Variants in AR observed in about 807,000 individuals in gnomAD.
AR encodes the protein androgen receptor, also known as dihydrotestosterone receptor.
Under a neutral mutation model 53.9 loss-of-function variants are expected in AR, and 8 were observed. That is an observed-to-expected ratio of 0.15 (90% CI 0.09 to 0.27). The LOEUF (loss-of-function observed/expected upper bound fraction) is 0.27. AR is among the 10% of genes least tolerant of loss of function. The probability of loss-of-function intolerance (pLI) is 1.00; values close to 1 mark genes in which losing one functional copy is unlikely to be tolerated. For synonymous variants in AR, 359 were observed against 316.4 expected (o/e 1.13, Z -1.43); for missense variants, 639 against 742.5 (o/e 0.86, Z 1.62).
intron 4 of AR, among the ~76,000 whole-genome samples, chrX:67,716,724 C>T (rs1399476531): frequency 8.9e-6 from 1 of 111,823 alleles, no homozygotes; most frequent in African/African-American, 3.3e-5. Context: ...CAAGACATCT[C>T]TCCATACCCT....
intron 1 of AR, among the ~76,000 whole-genome samples, chrX:67,608,130 G>A (rs1179355333): frequency 8.9e-6 from 1 of 112,080 alleles, no homozygotes; most frequent in South Asian, 3.7e-4. Flanking sequence ...ATAACACTTT[G>A]TAGTCAATGG....
chrX:67,630,424 G>A (rs1169725172), intron 1 of AR, among the ~76,000 whole-genome samples: 3 of 110,836 alleles, frequency 2.7e-5, no homozygotes, highest in Non-Finnish European at 3.8e-5. Context: ...ATCTTTGTTG[G>A]TTTAAAGTCT....
intron 1 of AR, among the ~76,000 whole-genome samples, chrX:67,575,540 TAGA>T (rs1427636344): frequency 1.8e-5 from 2 of 111,717 alleles, no homozygotes; most frequent in Non-Finnish European, 3.8e-5. Flanking sequence ...TGCTTTTGTT[TAGA>T]AGAAGAAATG....
chrX:67,727,224 C>G lies in AR; in HGVS notation c.*3383C>G. 1 of 168,457 alleles carries G rather than the reference C, an allele frequency of 5.9e-6. No homozygotes were observed. The highest frequency in any genetic ancestry group is 1.1e-5 in the Non-Finnish European group (1 of 87,100). The allele number at this position is 168,457 out of a possible 1,213,427, so 13.9% of individuals were successfully genotyped here. ...GAAAGTTTATTATTTTTTTAACTCC[C>G]TTACTCTGAGAAAGGGATATTTTGA... On this transcript the variant is annotated 3_prime_UTR_variant, in exon 8 of 8. Transcript: ENST00000374690.
At position 67,545,709 on chromosome X, in the gene AR, C is replaced by T. The variant is rs1455444688; in HGVS notation, c.563C>T (p.Ala188Val). 8.3e-7 allele frequency: 1 copy of T among 1,209,983 alleles called. No homozygotes were observed. The highest frequency in any genetic ancestry group is 3.0e-5 in the East Asian group (1 of 33,754). Residue 188 changes from alanine to valine, a missense_variant, in exon 1 of 8, where the codon GCC becomes GTC. Physicochemically the swap from Ala to Val is moderately conservative, Grantham distance 64. This residue lies in a region of AR where 423 missense variants were observed against 377.0 expected (regional missense o/e 1.12). Transcript: ENST00000374690. ...SADLKDILSE[A>V]STMQLLQQQQ... ...GACCTTAAAGACATCCTGAGCGAGG[C>T]CAGCACCATGCAACTCCTTCAGCAA...
intron 1 of AR, among the ~76,000 whole-genome samples, chrX:67,551,359 G>A (rs12848810): frequency 9.0e-6 from 1 of 111,434 alleles, no homozygotes; most frequent in African/African-American, 3.3e-5. Flanking sequence ...AGATATTAAA[G>A]AAATTATTCT....
At chrX:67,672,689 CA>C (rs2075873207) in intron 2 of AR, among the ~76,000 whole-genome samples, 1 of 110,998 alleles carries the variant, frequency 9.0e-6, no homozygotes, top group South Asian at 3.8e-4. Flanking sequence ...TTTCTATTTA[CA>C]TCTTATTGTA....
intron 2 of AR, among the ~76,000 whole-genome samples, chrX:67,677,212 C>T (rs1026846467): frequency 1.8e-5 from 2 of 111,548 alleles, no homozygotes; most frequent in African/African-American, 6.5e-5. Context: ...CTTTTTATTC[C>T]ATACAGATAC....
chrX:67,669,300 A>T (rs1439981576), intron 2 of AR, among the ~76,000 whole-genome samples: 2 of 111,723 alleles, frequency 1.8e-5, no homozygotes, highest in East Asian at 5.6e-4. Context: ...ATTTATTGAC[A>T]TAGTCATTCC....
rs533428310 is a variant in AR, at chrX:67,728,114, G to A, written c.*4273G>A. On this transcript the variant is annotated 3_prime_UTR_variant, in exon 8 of 8. Coordinates refer to ENST00000374690, the MANE Select transcript of AR (RefSeq NM_000044.6). ...GGGGAGCAAGCATTAGTGCCTCTTT[G>A]ATAAGCTGTCCAAAGACAGACTAAA... 20 of 171,560 alleles carry A rather than the reference G, an allele frequency of 1.2e-4. No individual in the cohort carries two copies. The highest frequency in any genetic ancestry group is 5.4e-4 in the African/African-American group (18 of 33,544). 14.1% of individuals were successfully genotyped at this position (171,560 alleles called of 1,213,427 possible).
chrX:67,634,923 C>T (rs988902648), intron 1 of AR, among the ~76,000 whole-genome samples: 1 of 110,797 alleles, frequency 9.0e-6, no homozygotes, highest in East Asian at 2.9e-4. Flanking sequence ...GTGGTTGCCT[C>T]GACCTCTTTT....
intron 3 of AR, among the ~76,000 whole-genome samples, chrX:67,700,027 A>G (rs760849443): frequency 4.5e-5 from 5 of 111,278 alleles, no homozygotes; most frequent in Non-Finnish European, 9.4e-5. Flanking sequence ...CTAATGCCCC[A>G]GGGCTGAAAA....
Position 67,723,927 on chromosome X carries a change from C to T in AR, c.*86C>T, listed in dbSNP as rs2147541323. 6.3e-6 allele frequency: 7 copies of T among 1,103,492 alleles called. No homozygotes were observed. The highest frequency in any genetic ancestry group is 8.7e-6 in the Non-Finnish European group (7 of 807,023). 90.9% of individuals were successfully genotyped at this position (1,103,492 alleles called of 1,213,427 possible). A position where few individuals can be genotyped will look rare whatever the true frequency, so the allele number is the denominator to read the frequency against. On this transcript the variant is annotated 3_prime_UTR_variant, in exon 8 of 8. Coordinates refer to ENST00000374690, the MANE Select transcript of AR (RefSeq NM_000044.6). ...GTTATAACTCTGCACTACTCCTCTG[C>T]AGTGCCTTGGGGAATTTCCTCTATT... is the stretch of plus-strand genomic sequence containing the variant.
At chrX:67,654,285 C>A (rs780381084) in intron 2 of AR, among the ~76,000 whole-genome samples, 3 of 111,312 alleles carry the variant, frequency 2.7e-5, no homozygotes, top group African/African-American at 9.8e-5. Flanking sequence ...ATACTTGCAG[C>A]GTCCCTGGGT....
At chrX:67,639,191 C>A (rs1925613809) in intron 1 of AR, among the ~76,000 whole-genome samples, 1 of 111,808 alleles carries the variant, frequency 8.9e-6, no homozygotes, top group South Asian at 3.7e-4. Flanking sequence ...TGTTTTGGTA[C>A]CAGTACCGTG....
At chrX:67,616,303 C>T (rs1264559746) in intron 1 of AR, among the ~76,000 whole-genome samples, 4 of 110,391 alleles carry the variant, frequency 3.6e-5, no homozygotes, top group East Asian at 5.7e-4. Context: ...CCCATCAATC[C>T]GTCATATACA....
chrX:67,568,958 G>A (rs1204643159), intron 1 of AR: 1 of 1,208,369 alleles, frequency 8.3e-7, no homozygotes. Flanking sequence ...GGGAACCAGG[G>A]AAACGAATGC....
At chrX:67,623,165 A>AC (rs755525527) in intron 1 of AR, among the ~76,000 whole-genome samples, 50 of 108,717 alleles carry the variant, frequency 4.6e-4, no homozygotes, top group Admixed American at 1.9e-3. Flanking sequence ...AATGAGAACC[A>AC]CCCCCCCGCC....
chrX:67,637,418 A>G (rs944980492), intron 1 of AR, among the ~76,000 whole-genome samples: 4 of 99,680 alleles, frequency 4.0e-5, no homozygotes, highest in Non-Finnish European at 6.0e-5. Context: ...ATGAGTGAGA[A>G]CATGTGGTGT....
Sources: allele counts gnomAD v4.1 joint callset (sites outside exome capture counted in the v4.1 genomes callset), GRCh38; gene constraint gnomAD v4.1.1; regional missense constraint gnomAD v4.1.1; transcripts MANE v1.5; gene names NCBI Gene and HGNC (gene_info 2026-07-23, HGNC 2026-07-21).